Variants in OR7C1 observed in about 807,000 individuals in gnomAD.
OR7C1 encodes olfactory receptor 7C1.
For synonymous variants in OR7C1, 152 were observed against 160.7 expected (o/e 0.95, Z 0.41); for missense variants, 324 against 383.3 (o/e 0.85, Z 1.29).
chr19:14,830,192 T>C (rs1329287618), intron 1 of OR7C1, among the ~76,000 whole-genome samples: 1 of 152,222 alleles, frequency 6.6e-6, no homozygotes, highest in Non-Finnish European at 1.5e-5. Context: ...CAGATTCTTT[T>C]TTCCCTACAG....
At chr19:14,832,499 G>C (rs145367305) in intron 1 of OR7C1, among the ~76,000 whole-genome samples, 2 of 149,310 alleles carry the variant, frequency 1.3e-5, no homozygotes, top group African/African-American at 4.9e-5. Flanking sequence ...GATCTCGGCT[G>C]ACTGGCAACC....
chr19:14,825,431 AG>A (rs1236187917), intron 1 of OR7C1: 1 of 152,196 alleles, frequency 6.6e-6, no homozygotes, highest in Non-Finnish European at 1.5e-5. Flanking sequence ...TTCTAAGAGT[AG>A]AGTTTAGGTG....
rs112199609 is a variant in OR7C1 at position 14,806,019 on chromosome 19, A to G, written c.-435+3787T>C. 1.8e-3 allele frequency among the ~76,000 whole-genome samples: 281 copies of G among 152,006 alleles called. 6 individuals carry two copies. The highest frequency in any genetic ancestry group is 6.3e-3 in the African/African-American group (259 of 41,284). ...CAAATTAATGTTAATAATACAGAAA[A>G]TTGTCCTCTAACTATGATGGTATTA... On this transcript the variant is annotated intron_variant, in intron 2 of 4. Transcript: ENST00000641666.
intron 2 of OR7C1, among the ~76,000 whole-genome samples, chr19:14,803,210 G>A (rs990310786): frequency 6.6e-6 from 1 of 150,460 alleles, no homozygotes; most frequent in African/African-American, 2.5e-5. Context: ...GGGAGCCTGA[G>A]GCACAAGAGT....
intron 1 of OR7C1, among the ~76,000 whole-genome samples, chr19:14,831,502 T>A (rs1474898021): frequency 6.6e-6 from 1 of 152,068 alleles, no homozygotes; most frequent in Non-Finnish European, 1.5e-5. Context: ...TGGAGTGCAA[T>A]GGTGCAATAT....
At chr19:14,799,074 G>A (rs898975270) in exon 5 of OR7C1, 36 of 1,420,404 alleles carry the variant, frequency 2.5e-5, no homozygotes, top group Non-Finnish European at 3.2e-5. Flanking sequence ...TCAAAGACAC[G>A]ATAAGATATG....
chr19:14,827,441 GT>G (rs1430495316), intron 1 of OR7C1: 3 of 1,614,038 alleles, frequency 1.9e-6, no homozygotes, highest in Non-Finnish European at 2.5e-6. Context: ...TTGAGTGTGA[GT>G]TGCGGGTGGC....
exon 5 of OR7C1, chr19:14,799,792 C>G: frequency 1.2e-6 from 2 of 1,613,120 alleles, no homozygotes; most frequent in Middle Eastern, 1.7e-4. Flanking sequence ...CCATCACGGT[C>G]AAGAGTAAAT....
At chr19:14,805,595 T>C (rs1308865910) in intron 2 of OR7C1, among the ~76,000 whole-genome samples, 2 of 151,508 alleles carry the variant, frequency 1.3e-5, no homozygotes, top group East Asian at 1.9e-4. Context: ...TTTGTATTTT[T>C]AGTAGAGACA....
chr19:14,800,966 G>T (rs1253962571), intron 2 of OR7C1, among the ~76,000 whole-genome samples: 2 of 152,130 alleles, frequency 1.3e-5, no homozygotes, highest in African/African-American at 2.4e-5. Flanking sequence ...ATGGAGAGAG[G>T]TGTTTCTCTT....
chr19:14,818,739 A>G (rs996361795), intron 1 of OR7C1, among the ~76,000 whole-genome samples: 4 of 152,054 alleles, frequency 2.6e-5, no homozygotes, highest in Non-Finnish European at 5.9e-5. Flanking sequence ...CTTGGGGTGA[A>G]TGCGTTAAAG....
chr19:14,827,282 T>A (rs1393025084), intron 1 of OR7C1: 6 of 1,543,036 alleles, frequency 3.9e-6, no homozygotes, highest in Non-Finnish European at 5.2e-6. Context: ...AGCCCTGCAA[T>A]CATGGGCACT....
At chr19:14,809,343 A>G (rs1000741516) in intron 2 of OR7C1, among the ~76,000 whole-genome samples, 115 of 152,088 alleles carry the variant, frequency 7.6e-4, no homozygotes, top group African/African-American at 2.5e-3. Flanking sequence ...TGAGGCTTGC[A>G]CATACGTAAA....
At chr19:14,828,095 T>G in intron 1 of OR7C1, 1 of 1,614,050 alleles carries the variant, frequency 6.2e-7, no homozygotes, top group Non-Finnish European at 8.5e-7. Context: ...AGTCTGAGAT[T>G]GTGGCCAGGA....
At chr19:14,828,252 T>C in intron 1 of OR7C1, 1 of 1,603,488 alleles carries the variant, frequency 6.2e-7, no homozygotes, top group Non-Finnish European at 8.5e-7. Context: ...TTGATTGAAG[T>C]GACTATCAGA....
chr19:14,821,463 G>A (rs554213364), intron 1 of OR7C1: 3 of 152,256 alleles, frequency 2.0e-5, no homozygotes, highest in East Asian at 1.9e-4. Context: ...TCTTCATTCA[G>A]GCTGCATTTC....
At chr19:14,810,505 G>A (rs910669213) in intron 1 of OR7C1, among the ~76,000 whole-genome samples, 27 of 150,700 alleles carry the variant, frequency 1.8e-4, no homozygotes, top group South Asian at 8.4e-4. Context: ...TCAGCCTCCC[G>A]AGTAGCTGGG....
At chr19:14,809,044 G>A (rs1012169654) in intron 2 of OR7C1, among the ~76,000 whole-genome samples, 2 of 151,902 alleles carry the variant, frequency 1.3e-5, no homozygotes, top group African/African-American at 2.4e-5. Context: ...TTTGGAACAT[G>A]TTATGTAAAT....
At chr19:14,800,192 C>CT in intron 4 of OR7C1, 43 bp from the exon 5 acceptor site, 1 of 1,471,680 alleles carries the variant, frequency 6.8e-7, no homozygotes, top group South Asian at 1.5e-5. Context: ...TATCAACACA[C>CT]TGGCAACATG....
Sources: allele counts gnomAD v4.1 joint callset (sites outside exome capture counted in the v4.1 genomes callset), GRCh38; gene constraint gnomAD v4.1.1; transcripts MANE v1.5; gene names NCBI Gene and HGNC (gene_info 2026-07-23, HGNC 2026-07-21).